Variants in ARID1B observed in about 807,000 individuals in gnomAD.
The protein encoded by ARID1B is AT-rich interaction domain 1B.
ARID1B carries 30 observed loss-of-function variants against 212.3 expected under a neutral mutation model. The observed-to-expected ratio is 0.14, with a 90% CI of 0.11 to 0.19. ARID1B has a LOEUF of 0.19. Among genes scored for constraint, ARID1B ranks in the 10% least tolerant of loss-of-function variants. The pLI is 1.00. For synonymous variants in ARID1B, 1,402 were observed against 1,301.7 expected, an observed-to-expected ratio of 1.08 and a Z score of -1.66; for missense variants, 2,891 against 3,204.0, an observed-to-expected ratio of 0.90 and a Z score of 2.36.
At chr6:156,835,902 C>A (rs938856299) in intron 2 of ARID1B, among the ~76,000 whole-genome samples, 1 of 137,878 alleles carries the variant, frequency 7.3e-6, no homozygotes, top group African/African-American at 2.9e-5. Context: ...CCACCATGCC[C>A]AGCTAATTTT....
At chr6:156,858,924 C>T (rs890855250) in intron 2 of ARID1B, among the ~76,000 whole-genome samples, 14 of 152,086 alleles carry the variant, frequency 9.2e-5, no homozygotes, top group South Asian at 2.1e-4. Context: ...CTGGAAGTTG[C>T]ACTGAGCGAG....
intron 4 of ARID1B, among the ~76,000 whole-genome samples, chr6:157,014,931 T>G (rs1885625): frequency 0.49 from 73,719 of 151,558 alleles, 18,204 homozygotes; most frequent in East Asian, 0.66. Context: ...CTCCATCTTA[T>G]AGAAACATGC....
At chr6:157,020,090 AGAGG>A (rs1780131392) in intron 4 of ARID1B, among the ~76,000 whole-genome samples, 1 of 152,212 alleles carries the variant, frequency 6.6e-6, no homozygotes, top group African/African-American at 2.4e-5. Flanking sequence ...CAAAGCTGTT[AGAGG>A]GATAGGAGAA....
At chr6:157,199,392 T>G (rs1793948916) in intron 17 of ARID1B, among the ~76,000 whole-genome samples, 1 of 152,030 alleles carries the variant, frequency 6.6e-6, no homozygotes, top group Admixed American at 6.5e-5. Flanking sequence ...AGGTTTTTGC[T>G]GGTTCACAGG....
intron 4 of ARID1B, chr6:156,942,173 A>C (rs564151551): frequency 6.6e-6 from 1 of 152,352 alleles, no homozygotes; most frequent in East Asian, 1.9e-4. Context: ...AAAAATAGAC[A>C]CTAGACAAAA....
At chr6:157,039,779 T>TA (rs1781703674) in intron 4 of ARID1B, among the ~76,000 whole-genome samples, 3 of 129,460 alleles carry the variant, frequency 2.3e-5, no homozygotes, top group African/African-American at 9.4e-5. Flanking sequence ...CTACCTACCT[T>TA]CCTTCCTTCC....
intron 2 of ARID1B, among the ~76,000 whole-genome samples, chr6:156,893,504 C>T (rs1159574410): frequency 6.6e-6 from 1 of 151,894 alleles, no homozygotes; most frequent in African/African-American, 2.4e-5. Flanking sequence ...AGGTATAACC[C>T]ACAGAATAGG....
intron 4 of ARID1B, among the ~76,000 whole-genome samples, chr6:157,007,042 C>G (rs143557113): frequency 1.3e-5 from 2 of 152,254 alleles, no homozygotes. Flanking sequence ...GAGAATCTTT[C>G]CTAAGGAAAT....
intron 3 of ARID1B, among the ~76,000 whole-genome samples, chr6:156,905,294 A>C (rs947213116): frequency 1.3e-5 from 2 of 151,456 alleles, no homozygotes; most frequent in African/African-American, 4.9e-5. Context: ...ATTTATTATA[A>C]GGAATTGGCT....
chr6:156,820,903 G>A (rs62435788), intron 1 of ARID1B, among the ~76,000 whole-genome samples: 45 of 152,278 alleles, frequency 3.0e-4, no homozygotes, highest in African/African-American at 9.6e-4. Context: ...GTTTCTGTAC[G>A]GATCTGCTTC....
At chr6:157,124,029 G>A (rs1787964670) in intron 6 of ARID1B, among the ~76,000 whole-genome samples, 1 of 152,250 alleles carries the variant, frequency 6.6e-6, no homozygotes, top group South Asian at 2.1e-4. Context: ...TTTAGGCCAT[G>A]GAAATAATTG....
At chr6:157,084,964 A>G in intron 5 of ARID1B, 59 bp downstream of exon 5, 2 of 1,537,554 alleles carry the variant, frequency 1.3e-6, no homozygotes, top group Non-Finnish European at 1.8e-6. Flanking sequence ...TTTCATGTTC[A>G]TCAACAGTAA....
chr6:156,890,469 A>T (rs1440452997), intron 2 of ARID1B, among the ~76,000 whole-genome samples: 1 of 152,192 alleles, frequency 6.6e-6, no homozygotes, highest in Non-Finnish European at 1.5e-5. Context: ...GATTTTTTTT[A>T]AATTTCTAAG....
intron 1 of ARID1B, among the ~76,000 whole-genome samples, chr6:156,793,847 T>C (rs1780176507): frequency 6.6e-6 from 1 of 152,234 alleles, no homozygotes; most frequent in Admixed American, 6.5e-5. Flanking sequence ...ATAGTAATAG[T>C]AATAATGACT....
At chr6:156,904,641 T>G (rs1789218225) in intron 3 of ARID1B, among the ~76,000 whole-genome samples, 2 of 152,240 alleles carry the variant, frequency 1.3e-5, no homozygotes, top group African/African-American at 4.8e-5. Flanking sequence ...AGCTTCTGGA[T>G]TTTTGCCAAT....
In ARID1B at chr6:157,210,612, C is replaced by T. The variant is rs1794707002; in HGVS notation, c.*2721C>T. ...TGCTTGAGATCATCTTGCCTATAAA[C>T]TGAGTTATTGCTTTGTCCTAAAAAT... On this transcript the variant is annotated 3_prime_UTR_variant, in exon 20 of 20. Transcript: ENST00000636930. The T allele has an allele frequency of 8.7e-6, 2 of 230,092 alleles. No homozygotes were observed. The highest frequency in any genetic ancestry group is 5.7e-5 in the Admixed American group (1 of 17,526). The allele number at this position is 230,092 out of a possible 1,614,324, so 14.3% of individuals were successfully genotyped here. A position where few individuals can be genotyped will look rare whatever the true frequency, so the allele number is the denominator to read the frequency against.
intron 4 of ARID1B, among the ~76,000 whole-genome samples, chr6:157,028,036 G>A (rs1780772953): frequency 6.6e-6 from 1 of 152,086 alleles, no homozygotes; most frequent in Non-Finnish European, 1.5e-5. Flanking sequence ...TGTAGCATAA[G>A]ACATTGGCTT....
At chr6:157,111,659 G>A (rs1050822226) in intron 6 of ARID1B, among the ~76,000 whole-genome samples, 1 of 152,110 alleles carries the variant, frequency 6.6e-6, no homozygotes, top group Non-Finnish European at 1.5e-5. Flanking sequence ...TACAAACTCA[G>A]CAACATGTTT....
Position 157,200,877 on chromosome 6 carries a change from G to T in ARID1B, c.4652G>T (p.Ser1551Ile). 2 of 1,614,040 alleles carry T rather than the reference G, an allele frequency of 1.2e-6. No individual in the cohort carries two copies. The highest frequency in any genetic ancestry group is 1.7e-6 in the Non-Finnish European group (2 of 1,180,012). Residue 1551 changes from serine (S) to isoleucine (I), a missense_variant, in exon 18 of 20, where the codon AGC (serine) becomes ATC (isoleucine). Transcript: ENST00000636930. The surrounding 1 kb of genome is among the most constrained non-coding windows in gnomAD (Gnocchi z 4.3). The part of the protein sequence containing the change: ...PIQGQYPYPY[S>I]RERMQGPGQI... ...CAGGGCCAGTACCCGTATCCCTACAGCAGGGAGAGGATGCAGGGCCCGGGG... is the reference window on the plus strand; with the variant it reads ...CAGGGCCAGTACCCGTATCCCTACATCAGGGAGAGGATGCAGGGCCCGGGG...
Sources: allele counts gnomAD v4.1 joint callset (sites outside exome capture counted in the v4.1 genomes callset), GRCh38; gene constraint gnomAD v4.1.1; non-coding constraint Gnocchi (gnomAD v3.1); transcripts MANE v1.5; gene names NCBI Gene and HGNC (gene_info 2026-07-23, HGNC 2026-07-21).